SPIRE2: variants seen among roughly 807,000 people sequenced by gnomAD.
SPIRE2 encodes protein spire homolog 2.
SPIRE2 carries 76 observed loss-of-function variants against 80.7 expected under a neutral mutation model. That is an observed-to-expected ratio of 0.94 (90% CI 0.78 to 1.14). The LOEUF (loss-of-function observed/expected upper bound fraction) is 1.14. Ranked by LOEUF, SPIRE2 falls within the 50% of genes most tolerant of loss-of-function variation. The pLI is 0.00. For synonymous variants in SPIRE2, 535 were observed against 432.6 expected (o/e 1.24, Z -2.94); for missense variants, 1,196 against 1,015.3 (o/e 1.18, Z -2.42).
At chr16:89,844,838 A>T (rs904234714) in intron 1 of SPIRE2, among the ~76,000 whole-genome samples, 1 of 152,124 alleles carries the variant, frequency 6.6e-6, no homozygotes, top group Non-Finnish European at 1.5e-5. Context: ...CCACCTCGGC[A>T]TCTCAAAGTG....
rs1348877450 is a variant in SPIRE2 at position 89,850,656 on chromosome 16, A to G, written c.641A>G (p.Lys214Arg). ...TTCCTGGCCAGGGTCCGGGAGGCCA[A>G]GGAGGTGAGCGGTGGGTGGGGGCGA... ...RAFLARVREA[K>R]EMLQKLREDE... Residue 214 changes from lysine (K) to arginine (R), a missense_variant, in exon 3 of 15, where the codon AAG becomes AGG. Lys to Arg is a conservative substitution (Grantham distance 26). Coordinates refer to ENST00000378247, the MANE Select transcript of SPIRE2 (RefSeq NM_032451.2). 8 of 1,245,462 alleles carry G rather than the reference A, an allele frequency of 6.4e-6. No individual in the cohort carries two copies. The highest frequency in any genetic ancestry group is 5.9e-5 in the East Asian group (1 of 17,010). 77.2% of individuals were successfully genotyped at this position (1,245,462 alleles called of 1,614,324 possible). A position where few individuals can be genotyped will look rare whatever the true frequency, so the allele number is the denominator to read the frequency against.
At chr16:89,860,233 T>C (rs1488991430) in intron 9 of SPIRE2, among the ~76,000 whole-genome samples, 1 of 152,170 alleles carries the variant, frequency 6.6e-6, no homozygotes, top group Non-Finnish European at 1.5e-5. Context: ...CCCCGATGAA[T>C]GTCCTAATGT....
At position 89,828,937 on chromosome 16, in the gene SPIRE2, C is replaced by T. The variant is rs948207154; in HGVS notation, c.244+143C>T. The T allele has an allele frequency of 1.9e-6, 1 of 522,436 alleles. No homozygotes were observed. The highest frequency in any genetic ancestry group is 2.7e-6 in the Non-Finnish European group (1 of 365,674). 32.4% of individuals were successfully genotyped at this position (522,436 alleles called of 1,614,324 possible). A position where few individuals can be genotyped will look rare whatever the true frequency, so the allele number is the denominator to read the frequency against. On this transcript the variant is annotated intron_variant, in intron 1 of 14. Transcript: ENST00000378247. The surrounding 1 kb of genome is among the most constrained non-coding windows in gnomAD (Gnocchi z 5.9). ...TTCTCTGCGGGACCCGGAGCTCCCT[C>T]CCTCCCACTCTCCGTCCCTCTTTCC...
intron 12 of SPIRE2, among the ~76,000 whole-genome samples, chr16:89,865,004 C>CTTTTTTTTTT (rs398042284): frequency 8.0e-6 from 1 of 125,364 alleles, no homozygotes; most frequent in Non-Finnish European, 1.7e-5. Flanking sequence ...ACTTTTTTTC[C>CTTTTTTTTTT]TTTTTTTTTT....
chr16:89,837,822 A>G (rs1187882347), intron 1 of SPIRE2, among the ~76,000 whole-genome samples: 1 of 152,084 alleles, frequency 6.6e-6, no homozygotes, highest in Non-Finnish European at 1.5e-5. Context: ...TCAGCCAGGG[A>G]TCAGCCACCG....
intron 1 of SPIRE2, among the ~76,000 whole-genome samples, chr16:89,840,056 G>C (rs2041489463): frequency 6.6e-6 from 1 of 152,148 alleles, no homozygotes; most frequent in African/African-American, 2.4e-5. Flanking sequence ...GTCAGGATCT[G>C]ACCTCCCACC....
Position 89,863,510 on chromosome 16 carries a change from C to CTGTGGAAGAGG in SPIRE2, c.1613_1623dup (p.Met542TrpfsTer4). On this transcript the variant is annotated frameshift_variant, in exon 11 of 15. Coordinates refer to ENST00000378247, the MANE Select transcript of SPIRE2 (RefSeq NM_032451.2). LOFTEE classifies it high-confidence loss of function. The surrounding 1 kb of genome is among the most constrained non-coding windows in gnomAD (Gnocchi z 4.3). ...CACCCCGTGGAGAGCCTGGCGCTGA[C>CTGTGGAAGAGG]TGTGGAAGAGGTGATGGACGTGCGC... 1 of 1,614,056 alleles carries CTGTGGAAGAGG rather than the reference C, an allele frequency of 6.2e-7. No individual in the cohort carries two copies. The highest frequency in any genetic ancestry group is 8.5e-7 in the Non-Finnish European group (1 of 1,180,022).
intron 1 of SPIRE2, among the ~76,000 whole-genome samples, chr16:89,839,243 G>A (rs1031749296): frequency 2.1e-4 from 32 of 152,134 alleles, no homozygotes; most frequent in Admixed American, 1.5e-3. Flanking sequence ...GCGTGGTGGC[G>A]GGCGCCTGTA....
chr16:89,850,265 C>A (rs770100709), intron 2 of SPIRE2, 39 bp from the exon 3 acceptor site: 2 of 1,575,032 alleles, frequency 1.3e-6, no homozygotes, highest in Admixed American at 3.4e-5. Context: ...GCCCCACCCC[C>A]CTGCAGTACC....
chr16:89,838,916 G>C (rs2041476792), intron 1 of SPIRE2, among the ~76,000 whole-genome samples: 1 of 151,776 alleles, frequency 6.6e-6, no homozygotes, highest in Non-Finnish European at 1.5e-5. Flanking sequence ...ATCTAGTAGA[G>C]ACGGGGTTTC....
chr16:89,859,426 C>A, intron 9 of SPIRE2, 72 bp downstream of exon 9: 1 of 970,592 alleles, frequency 1.0e-6, no homozygotes, highest in Non-Finnish European at 1.4e-6. Flanking sequence ...ACCATCCCTC[C>A]ACCTCAGCCC....
intron 1 of SPIRE2, among the ~76,000 whole-genome samples, chr16:89,839,466 T>C (rs1395803676): frequency 6.6e-6 from 1 of 151,282 alleles, no homozygotes; most frequent in East Asian, 2.0e-4. Context: ...GGGGCGGCGC[T>C]GATTTGAAAG....
At chr16:89,843,680 TGTTTG>T (rs1428435203) in intron 1 of SPIRE2, among the ~76,000 whole-genome samples, 275 of 22,740 alleles carry the variant, frequency 0.012, 13 homozygotes, top group East Asian at 0.031. Flanking sequence ...TTTTTTTTTT[TGTTTG>T]TTTTTGTTTT....
Position 89,854,549 on chromosome 16 carries a change from A to G in SPIRE2, c.789A>G (p.Gln263=), listed in dbSNP as rs12598737. The change falls in exon 5 of 15, where the codon CAA becomes CAG. Residue 263 remains glutamine (Q), a synonymous_variant. Transcript: ENST00000378247. ...LRRGVKLKKV[Q]EQEFNPLPTE... Reference sequence around the variant, plus strand: ...GCGGAGTGAAGCTGAAGAAGGTGCAAGAGCAGGAGTTCAACCCCCTCCCCA... The same window carrying G: ...GCGGAGTGAAGCTGAAGAAGGTGCAGGAGCAGGAGTTCAACCCCCTCCCCA... 0.079 allele frequency: 127,240 copies of G among 1,612,658 alleles called. 6,001 individuals are homozygous for G. Among genetic ancestry groups the G allele is most frequent in the East Asian group, 0.17 (7,657 of 44,870 alleles).
intron 8 of SPIRE2, among the ~76,000 whole-genome samples, 199 bp from the exon 9 acceptor site, chr16:89,858,966 G>T (rs564950216): frequency 7.9e-5 from 12 of 152,266 alleles, no homozygotes; most frequent in Non-Finnish European, 1.5e-4. Context: ...GTCCCTTTCC[G>T]GAAGGCCTGG....
intron 6 of SPIRE2, chr16:89,855,909 C>A: frequency 9.7e-7 from 1 of 1,028,720 alleles, no homozygotes; most frequent in Non-Finnish European, 1.4e-6. Flanking sequence ...GTGAGCCATG[C>A]CCACCCCACC....
At chr16:89,841,727 T>C (rs1421915564) in intron 1 of SPIRE2, among the ~76,000 whole-genome samples, 1 of 152,136 alleles carries the variant, frequency 6.6e-6, no homozygotes, top group Non-Finnish European at 1.5e-5. Flanking sequence ...GATGGAGTTT[T>C]GCTTTTGTTA....
intron 7 of SPIRE2, 40 bp from the exon 8 acceptor site, chr16:89,858,298 C>G: frequency 6.6e-7 from 1 of 1,518,834 alleles, no homozygotes; most frequent in Non-Finnish European, 8.8e-7. Flanking sequence ...GCTGTCTCCC[C>G]GTTCACTGGC....
intron 10 of SPIRE2, chr16:89,861,909 C>G (rs977002282): frequency 2.2e-4 from 33 of 152,268 alleles, no homozygotes; most frequent in African/African-American, 7.9e-4. Flanking sequence ...TATTTATGAC[C>G]AAGTCCAGCA....
Sources: allele counts gnomAD v4.1 joint callset (sites outside exome capture counted in the v4.1 genomes callset), GRCh38; gene constraint gnomAD v4.1.1; non-coding constraint Gnocchi (gnomAD v3.1); transcripts MANE v1.5; gene names NCBI Gene and HGNC (gene_info 2026-07-23, HGNC 2026-07-21).